Variants in MECOM observed in about 807,000 individuals in gnomAD.
MECOM encodes the protein histone-lysine N-methyltransferase MECOM.
In MECOM, 13 loss-of-function variants were observed where a neutral mutation model predicts 116.3. That is an observed-to-expected ratio of 0.11 (90% CI 0.07 to 0.18). The LOEUF (loss-of-function observed/expected upper bound fraction) is 0.18, where lower values mean the gene tolerates loss of function less well. Among genes scored for constraint, MECOM ranks in the 10% least tolerant of loss-of-function variants. The probability of loss-of-function intolerance (pLI) is 1.00; values close to 1 mark genes in which losing one functional copy is unlikely to be tolerated. For synonymous variants in MECOM, 528 were observed against 535.2 expected, an observed-to-expected ratio of 0.99 and a Z score of 0.19; for missense variants, 1,299 against 1,509.0, an observed-to-expected ratio of 0.86 and a Z score of 2.31.
rs568299136 is a variant in MECOM at position 169,217,652 on chromosome 3, C to T, written c.376-73820G>A. ...TACAAACATTAGCTGGGCACTGTGG[C>T]ACGTACCTGTAATCCCAGATACTTG... On this transcript the variant is annotated intron_variant, in intron 2 of 16. Coordinates refer to ENST00000651503, the MANE Select transcript of MECOM (RefSeq NM_004991.4). Among the ~76,000 whole-genome samples, 45 of 151,948 alleles carry T rather than the reference C, an allele frequency of 3.0e-4. No individual in the cohort carries two copies. In the South Asian group the frequency reaches 9.4e-3, roughly 32 times the overall value.
intron 2 of MECOM, among the ~76,000 whole-genome samples, chr3:169,336,084 T>C (rs2149782994): frequency 6.6e-6 from 1 of 152,258 alleles, no homozygotes; most frequent in East Asian, 1.9e-4. Context: ...TGTTACTGTT[T>C]CTAATATCAT....
intron 1 of MECOM, among the ~76,000 whole-genome samples, chr3:169,491,942 CTTGT>C (rs1753142255): frequency 6.6e-6 from 1 of 152,090 alleles, no homozygotes; most frequent in Admixed American, 6.5e-5. Context: ...TATATTTTGC[CTTGT>C]TTGTTTAACT....
chr3:169,323,789 A>G (rs542586939), intron 2 of MECOM, among the ~76,000 whole-genome samples: 201 of 152,332 alleles, frequency 1.3e-3, no homozygotes, highest in Non-Finnish European at 1.7e-3. Flanking sequence ...TGACAGCAGC[A>G]TGGTTATTCG....
At chr3:169,648,783 G>C (rs1223764673) in intron 1 of MECOM, among the ~76,000 whole-genome samples, 1 of 152,194 alleles carries the variant, frequency 6.6e-6, no homozygotes, top group African/African-American at 2.4e-5. Flanking sequence ...TGTCAATTTG[G>C]GGGTAGCACT....
chr3:169,342,882 G>A (rs1372496109), intron 2 of MECOM, among the ~76,000 whole-genome samples: 5 of 152,088 alleles, frequency 3.3e-5, no homozygotes, highest in African/African-American at 1.2e-4. Flanking sequence ...GTGGGGATTC[G>A]TCCAGCCAGC....
chr3:169,397,417 C>G (rs1186324874), intron 1 of MECOM, among the ~76,000 whole-genome samples: 2 of 152,130 alleles, frequency 1.3e-5, no homozygotes, highest in Admixed American at 1.3e-4. Flanking sequence ...ATTATTTCAG[C>G]CCAAAGTGCA....
At chr3:169,625,429 C>T (rs778892845) in intron 1 of MECOM, among the ~76,000 whole-genome samples, 14 of 152,096 alleles carry the variant, frequency 9.2e-5, no homozygotes, top group Non-Finnish European at 2.1e-4. Context: ...TAAGCATTGC[C>T]TATTAGTAAT....
chr3:169,124,451 CT>C (rs2149144354), intron 5 of MECOM, among the ~76,000 whole-genome samples: 1 of 152,130 alleles, frequency 6.6e-6, no homozygotes, highest in South Asian at 2.1e-4. Context: ...TCATAACAGA[CT>C]TGTCAATCAA....
chr3:169,085,194 G>T, intron 16 of MECOM, 151 bp from the exon 17 acceptor site: 1 of 1,004,206 alleles, frequency 1.0e-6, no homozygotes, highest in Non-Finnish European at 1.5e-6. Context: ...ATTTTTTGTA[G>T]AAACCACATG....
rs149152169 is a variant in MECOM at position 169,293,030 on chromosome 3, C to G, written c.375+88157G>C. ...AAGTGACTTATCCAAGACCTCAGCT[C>G]CAGGCCATCTTATAACTAATAATAG... On this transcript the variant is annotated intron_variant, in intron 2 of 16. Coordinates refer to ENST00000651503, the MANE Select transcript of MECOM (RefSeq NM_004991.4). Among the ~76,000 whole-genome samples the G allele has an allele frequency of 2.6e-3, 400 of 152,224 alleles. 4 individuals carry two copies. Among genetic ancestry groups the G allele is most frequent in the African/African-American group, 9.1e-3 (379 of 41,542 alleles).
chr3:169,138,030 T>G (rs1048044995), intron 3 of MECOM, among the ~76,000 whole-genome samples: 1 of 151,984 alleles, frequency 6.6e-6, no homozygotes, highest in Non-Finnish European at 1.5e-5. Flanking sequence ...TTGGGAAGAG[T>G]TCCATCATTA....
In MECOM at chr3:169,450,043, A is replaced by G. The variant is rs190342432; in HGVS notation, c.38-68519T>C. ...TTTATGTCTGAAGGTTTCACAACTC[A>G]TAATTTGGACAAGAGCAGCTTCTTA... On this transcript the variant is annotated intron_variant, in intron 1 of 16. Coordinates refer to ENST00000651503, the MANE Select transcript of MECOM (RefSeq NM_004991.4). 4.6e-5 allele frequency among the ~76,000 whole-genome samples: 7 copies of G among 152,310 alleles called. No homozygotes were observed. The East Asian group carries it at 1.3e-3, about 29-fold the overall frequency.
chr3:169,421,106 G>A (rs113029938), intron 1 of MECOM, among the ~76,000 whole-genome samples: 4 of 152,036 alleles, frequency 2.6e-5, no homozygotes, highest in African/African-American at 7.2e-5. Context: ...TTCAGAGAAC[G>A]GACTAAGAGG....
At chr3:169,166,623 T>C (rs1743635466) in intron 2 of MECOM, among the ~76,000 whole-genome samples, 1 of 151,456 alleles carries the variant, frequency 6.6e-6, no homozygotes, top group South Asian at 2.2e-4. Context: ...CAGAATATTG[T>C]TATTTACTGC....
At chr3:169,197,344 A>C (rs1197947652) in intron 2 of MECOM, among the ~76,000 whole-genome samples, 1 of 6,846 alleles carries the variant, frequency 1.5e-4, no homozygotes, top group Non-Finnish European at 2.4e-4. Context: ...ATAAATAAAT[A>C]AAATAAAATA....
intron 2 of MECOM, among the ~76,000 whole-genome samples, chr3:169,175,096 A>G (rs532536626): frequency 2.6e-5 from 4 of 152,162 alleles, no homozygotes; most frequent in African/African-American, 9.6e-5. Context: ...TAGCTCTACA[A>G]TTTTCAAGTT....
At chr3:169,120,891 G>T in intron 7 of MECOM, 165 bp downstream of exon 7, 1 of 600,642 alleles carries the variant, frequency 1.7e-6, no homozygotes, top group Non-Finnish European at 2.6e-6. Flanking sequence ...CCATGGATCT[G>T]ATTATAAAAG....
intron 1 of MECOM, among the ~76,000 whole-genome samples, chr3:169,510,101 A>G (rs1755778575): frequency 6.6e-6 from 1 of 152,254 alleles, no homozygotes; most frequent in African/African-American, 2.4e-5. Flanking sequence ...AAAGCCAAGC[A>G]ATGTGTATAT....
At chr3:169,136,261 T>G (rs1736327444) in intron 3 of MECOM, among the ~76,000 whole-genome samples, 1 of 151,644 alleles carries the variant, frequency 6.6e-6, no homozygotes, top group Admixed American at 6.6e-5. Context: ...ATTACATATT[T>G]TATAATTTGA....
Sources: gnomAD v4.1 joint callset for allele counts (sites outside exome capture counted in the v4.1 genomes callset) on GRCh38, gnomAD v4.1.1 for gene constraint, MANE v1.5 for transcripts, NCBI Gene and HGNC (gene_info 2026-07-23, HGNC 2026-07-21) for gene names.